DPP10: variants seen among roughly 807,000 people sequenced by gnomAD.
DPP10 encodes inactive dipeptidyl peptidase 10.
In DPP10, 33 loss-of-function variants were observed where a neutral mutation model predicts 120.9. The observed-to-expected ratio is 0.27, with a 90% confidence interval of 0.21 to 0.37. DPP10 has a LOEUF of 0.37. DPP10 is among the 10% of genes least tolerant of loss of function. The probability of loss-of-function intolerance (pLI) is 1.00; values close to 1 mark genes in which losing one functional copy is unlikely to be tolerated. For synonymous variants in DPP10, 337 were observed against 326.1 expected, an observed-to-expected ratio of 1.03 and a Z score of -0.36; for missense variants, 816 against 942.8, an observed-to-expected ratio of 0.87 and a Z score of 1.76.
At chr2:114,704,356 A>G (rs1230205296) in intron 1 of DPP10, among the ~76,000 whole-genome samples, 1 of 152,154 alleles carries the variant, frequency 6.6e-6, no homozygotes, top group Non-Finnish European at 1.5e-5. Context: ...GAACAGGCTG[A>G]TTGAATGATC....
intron 1 of DPP10, among the ~76,000 whole-genome samples, chr2:114,659,425 A>G (rs1288139082): frequency 6.6e-6 from 1 of 152,142 alleles, no homozygotes; most frequent in Non-Finnish European, 1.5e-5. Context: ...TTGGCTGCAC[A>G]TTGCCTCATG....
intron 1 of DPP10, among the ~76,000 whole-genome samples, chr2:115,164,733 T>C (rs1386530297): frequency 2.0e-5 from 3 of 152,216 alleles, no homozygotes; most frequent in African/African-American, 7.2e-5. Flanking sequence ...ATAATTTGGT[T>C]ACAGTTACAG....
chr2:115,712,186 A>G lies in DPP10; in HGVS notation c.577-15630A>G, dbSNP rs115204318. Among the ~76,000 whole-genome samples the G allele has an allele frequency of 9.6e-3, 1,447 of 151,312 alleles. 12 individuals carry two copies. Among genetic ancestry groups the G allele is most frequent in the Middle Eastern group, 0.02 (6 of 294 alleles). On this transcript the variant is annotated intron_variant, in intron 7 of 25. Coordinates refer to ENST00000410059, the MANE Select transcript of DPP10 (RefSeq NM_020868.6). ...GCCCTGAGCTTGTTTTCCTGCAACT[A>G]GATAGTCCCATCTGGGGTAATGGGA...
At chr2:114,562,205 C>G (rs1688819093) in intron 1 of DPP10, among the ~76,000 whole-genome samples, 2 of 152,222 alleles carry the variant, frequency 1.3e-5, no homozygotes, top group Admixed American at 1.3e-4. Context: ...TGCTCACCTT[C>G]CACTCTATGC....
intron 1 of DPP10, among the ~76,000 whole-genome samples, chr2:114,518,927 A>T (rs1684825779): frequency 6.6e-6 from 1 of 152,210 alleles, no homozygotes; most frequent in South Asian, 2.1e-4. Flanking sequence ...TAGTAAGGTC[A>T]GCAGCTCCCA....
intron 19 of DPP10, among the ~76,000 whole-genome samples, chr2:115,795,238 G>T (rs529255187): frequency 6.6e-6 from 1 of 152,258 alleles, no homozygotes; most frequent in East Asian, 1.9e-4. Flanking sequence ...AAGAGGAGCA[G>T]CATCAGCTCA....
chr2:115,815,795 C>T, intron 21 of DPP10, 66 bp downstream of exon 21: 1 of 1,430,940 alleles, frequency 7.0e-7, no homozygotes, highest in Non-Finnish European at 9.7e-7. Context: ...TCCTATTACA[C>T]ATTCACAGGA....
chr2:114,659,737 T>TA (rs1558976191), intron 1 of DPP10, among the ~76,000 whole-genome samples: 1 of 152,158 alleles, frequency 6.6e-6, no homozygotes, highest in Non-Finnish European at 1.5e-5. Flanking sequence ...TTTGCAATGT[T>TA]AAAAAATGAA....
At chr2:114,899,356 A>G (rs112260124) in intron 1 of DPP10, among the ~76,000 whole-genome samples, 62 of 152,228 alleles carry the variant, frequency 4.1e-4, no homozygotes, top group African/African-American at 1.4e-3. Context: ...TGTAAAAATT[A>G]ACAGTTGGAT....
intron 2 of DPP10, among the ~76,000 whole-genome samples, chr2:115,321,045 A>G (rs190162812): frequency 1.3e-5 from 2 of 152,308 alleles, no homozygotes; most frequent in Admixed American, 6.5e-5. Context: ...CACACCTGTA[A>G]TCCCAGCACT....
intron 3 of DPP10, among the ~76,000 whole-genome samples, chr2:115,387,878 A>G (rs1160831245): frequency 6.6e-6 from 1 of 152,182 alleles, no homozygotes; most frequent in African/African-American, 2.4e-5. Context: ...CAATTAAATC[A>G]ACAATATGTT....
At chr2:115,541,934 C>T (rs940457014) in intron 5 of DPP10, among the ~76,000 whole-genome samples, 6 of 151,848 alleles carry the variant, frequency 4.0e-5, no homozygotes, top group Non-Finnish European at 8.8e-5. Flanking sequence ...AGTACAGACT[C>T]ACACAAATTT....
At chr2:115,457,279 T>C (rs1298888901) in intron 3 of DPP10, among the ~76,000 whole-genome samples, 2 of 151,988 alleles carry the variant, frequency 1.3e-5, no homozygotes, top group Non-Finnish European at 2.9e-5. Flanking sequence ...ATAGAAGACC[T>C]TAATGTTAGC....
At chr2:115,536,319 C>A (rs2078835052) in intron 5 of DPP10, among the ~76,000 whole-genome samples, 1 of 151,892 alleles carries the variant, frequency 6.6e-6, no homozygotes, top group African/African-American at 2.4e-5. Context: ...TGTTCCTTGT[C>A]TTAAATATTT....
intron 13 of DPP10, among the ~76,000 whole-genome samples, chr2:115,775,804 T>A (rs1682028585): frequency 6.6e-6 from 1 of 152,124 alleles, no homozygotes; most frequent in Non-Finnish European, 1.5e-5. Flanking sequence ...ATTTAAAAAA[T>A]TAACTCTTAT....
chr2:114,555,234 A>C (rs974250817), intron 1 of DPP10, among the ~76,000 whole-genome samples: 1 of 152,164 alleles, frequency 6.6e-6, no homozygotes. Context: ...TCTCCTGGAC[A>C]TGTCAACTCT....
chr2:115,578,643 A>C (rs149386392), intron 5 of DPP10, among the ~76,000 whole-genome samples: 36 of 152,328 alleles, frequency 2.4e-4, no homozygotes, highest in African/African-American at 7.7e-4. Flanking sequence ...GGAAATTTGC[A>C]TACTCAGAAC....
chr2:114,445,250 G>A (rs1022534874), intron 1 of DPP10, among the ~76,000 whole-genome samples: 1 of 152,092 alleles, frequency 6.6e-6, no homozygotes, highest in African/African-American at 2.4e-5. Context: ...CATGGAATCT[G>A]GTTGGCCTGC....
At chr2:115,532,522 A>C (rs1451568121) in intron 5 of DPP10, among the ~76,000 whole-genome samples, 7 of 152,100 alleles carry the variant, frequency 4.6e-5, no homozygotes, top group African/African-American at 1.7e-4. Flanking sequence ...TTTAATAAAC[A>C]TATTACAATA....
Sources: gnomAD v4.1 joint callset for allele counts (sites outside exome capture counted in the v4.1 genomes callset) on GRCh38, gnomAD v4.1.1 for gene constraint, MANE v1.5 for transcripts, NCBI Gene and HGNC (gene_info 2026-07-23, HGNC 2026-07-21) for gene names.